Variants in ADCY10 observed in about 807,000 individuals in gnomAD.
ADCY10 encodes the protein adenylate cyclase type 10.
A neutral mutation model predicts 183.3 loss-of-function variants in ADCY10; 156 were observed. The ratio of observed to expected loss-of-function variants is 0.85; its 90% CI spans 0.75 to 0.97. The LOEUF is 0.97. ADCY10 is among the 50% of genes least tolerant of loss of function. The probability of loss-of-function intolerance (pLI) is 0.00; values close to 1 mark genes in which losing one functional copy is unlikely to be tolerated. For synonymous variants in ADCY10, 645 were observed against 670.0 expected, an observed-to-expected ratio of 0.96 and a Z score of 0.58; for missense variants, 1,745 against 1,934.3, an observed-to-expected ratio of 0.90 and a Z score of 1.84.
chr1:167,834,380 A>G, intron 23 of ADCY10: 1 of 461,930 alleles, frequency 2.2e-6, no homozygotes, highest in Admixed American at 3.4e-5. Context: ...AGTTTCCCTC[A>G]AGCCAGTTTC....
At chr1:167,851,646 C>G (rs12036864) in intron 18 of ADCY10, among the ~76,000 whole-genome samples, 1 of 151,780 alleles carries the variant, frequency 6.6e-6, no homozygotes, top group South Asian at 2.1e-4. Context: ...GGTGGTGAAA[C>G]CCCGTCTCTA....
At chr1:167,837,456 T>G in intron 21 of ADCY10, 138 bp from the exon 22 acceptor site, 1 of 733,066 alleles carries the variant, frequency 1.4e-6, no homozygotes, top group Non-Finnish European at 2.4e-6. Flanking sequence ...TAGTCCCCAT[T>G]GTATCTTAGG....
intron 24 of ADCY10, 138 bp from the exon 25 acceptor site, chr1:167,833,300 C>T: frequency 1.2e-6 from 1 of 804,496 alleles, no homozygotes; most frequent in Non-Finnish European, 2.1e-6. Flanking sequence ...TCTTCCTGTG[C>T]CTGGCATAAT....
At chr1:167,897,671 T>G (rs367903674) in intron 6 of ADCY10, among the ~76,000 whole-genome samples, 6 of 63,596 alleles carry the variant, frequency 9.4e-5, no homozygotes, top group South Asian at 1.3e-3. Flanking sequence ...ACCACTGAAG[T>G]GCTGTTGCAG....
Position 167,836,475 on chromosome 1 carries a change from G to T in ADCY10, c.3143C>A (p.Ser1048Tyr). The T allele has an allele frequency of 1.9e-6, 3 of 1,614,154 alleles. No homozygotes were observed. Among genetic ancestry groups the T allele is most frequent in the Non-Finnish European group, 2.5e-6 (3 of 1,179,990 alleles). ...TTCCAGAGGGATAATGTCTTCGTCA[G>T]ATGTCTTCATTTTTGTTAAAACGTG... ...FDHVLTKMKTSDEDIIPLESC... is the reference protein window; with the variant it reads ...FDHVLTKMKTYDEDIIPLESC... Residue 1048 changes from serine (S) to tyrosine (Y), a missense_variant, in exon 23 of 33, where the codon TCT becomes TAT. Coordinates refer to ENST00000367851, the MANE Select transcript of ADCY10 (RefSeq NM_018417.6).
At chr1:167,872,183 A>C (rs1397878256) in intron 13 of ADCY10, among the ~76,000 whole-genome samples, 3 of 152,098 alleles carry the variant, frequency 2.0e-5, no homozygotes, top group African/African-American at 7.2e-5. Flanking sequence ...TATTAAAAAT[A>C]CAAAATTAGC....
chr1:167,866,032 C>A (rs184068982), intron 14 of ADCY10, among the ~76,000 whole-genome samples: 1 of 152,202 alleles, frequency 6.6e-6, no homozygotes, highest in Non-Finnish European at 1.5e-5. Flanking sequence ...ACTTAGGATT[C>A]CTTGGAGACC....
intron 6 of ADCY10, 66 bp from the exon 7 acceptor site, chr1:167,896,757 T>G: frequency 1.8e-6 from 2 of 1,135,204 alleles, no homozygotes; most frequent in Non-Finnish European, 2.7e-6. Context: ...GAAGTGTAAT[T>G]TCTTAGCAGA....
intron 9 of ADCY10, among the ~76,000 whole-genome samples, chr1:167,882,773 G>A (rs1179472309): frequency 6.6e-6 from 1 of 152,126 alleles, no homozygotes; most frequent in East Asian, 1.9e-4. Flanking sequence ...GACTGCCTGG[G>A]TTTGAATCCC....
rs7526804 is a variant in ADCY10 at position 167,848,143 on chromosome 1, G to A, written c.2437+218C>T. Among the ~76,000 whole-genome samples the A allele has an allele frequency of 0.089, 13,490 of 151,398 alleles. 753 individuals are homozygous for A. The highest frequency in any genetic ancestry group is 0.13 in the Middle Eastern group (37 of 292). Reference sequence around the variant, plus strand: ...AGTGCAGTGGCTCACTGCAACCTCCGCCTCCCAGGTTCAAGCAATTCTCCT... The same window carrying A: ...AGTGCAGTGGCTCACTGCAACCTCCACCTCCCAGGTTCAAGCAATTCTCCT... On this transcript the variant is annotated intron_variant, in intron 19 of 32. Transcript: ENST00000367851.
At chr1:167,812,648 G>GA (rs1032377754) in intron 31 of ADCY10, among the ~76,000 whole-genome samples, 1 of 152,096 alleles carries the variant, frequency 6.6e-6, no homozygotes, top group African/African-American at 2.4e-5. Context: ...TCCCAAGGGG[G>GA]AAAAAATATC....
intron 30 of ADCY10, chr1:167,820,247 A>T (rs1662808424): frequency 6.6e-7 from 1 of 1,517,516 alleles, no homozygotes; most frequent in Admixed American, 2.0e-5. Flanking sequence ...GTCCTGGTCC[A>T]TCGTCGTCGC....
chr1:167,845,840 C>A lies in ADCY10; in HGVS notation c.2730G>T (p.Glu910Asp), dbSNP rs758246776. The change falls in exon 21 of 33, where the codon GAG (glutamate) becomes GAT (aspartate). Residue 910 changes from glutamate (E) to aspartate (D), a missense_variant. Transcript: ENST00000367851. The part of the protein sequence containing the change: ...KPSEGMDHGE[E>D]EQLRELENEV... ...CATTCTCCAGTTCACGAAGCTGTTC[C>A]TCTTCACCGTGATCTGGAGAGAGCA... The A allele has an allele frequency of 5.0e-6, 8 of 1,613,978 alleles. No individual in the cohort carries two copies. The highest frequency in any genetic ancestry group is 6.8e-6 in the Non-Finnish European group (8 of 1,180,040).
chr1:167,860,131 T>C (rs908281425), intron 15 of ADCY10, among the ~76,000 whole-genome samples: 53 of 152,234 alleles, frequency 3.5e-4, no homozygotes, highest in African/African-American at 1.3e-3. Context: ...TTGTGCACTT[T>C]GCTTCTATTA....
intron 14 of ADCY10, among the ~76,000 whole-genome samples, chr1:167,863,580 G>T (rs993111249): frequency 2.6e-5 from 4 of 152,110 alleles, no homozygotes; most frequent in African/African-American, 7.2e-5. Flanking sequence ...ACATTTCTTG[G>T]TTCCCTGACC....
At chr1:167,864,619 C>T (rs1313757017) in intron 14 of ADCY10, among the ~76,000 whole-genome samples, 7 of 150,638 alleles carry the variant, frequency 4.6e-5, no homozygotes, top group Non-Finnish European at 3.0e-5. Flanking sequence ...GACAGAAAGT[C>T]AAAGAGAGAA....
At chr1:167,883,407 G>A (rs1668003517) in intron 9 of ADCY10, 30 bp downstream of exon 9, 2 of 1,609,056 alleles carry the variant, frequency 1.2e-6, no homozygotes, top group Non-Finnish European at 1.7e-6. Flanking sequence ...AAAACTATTG[G>A]TAGGTTCCCA....
chr1:167,899,941 G>A (rs1308005585), intron 5 of ADCY10, among the ~76,000 whole-genome samples: 1 of 152,162 alleles, frequency 6.6e-6, no homozygotes, highest in Non-Finnish European at 1.5e-5. Flanking sequence ...GGGCAACAGG[G>A]AATACCTTTA....
At chr1:167,865,874 A>G (rs1332849349) in intron 14 of ADCY10, among the ~76,000 whole-genome samples, 1 of 152,190 alleles carries the variant, frequency 6.6e-6, no homozygotes, top group African/African-American at 2.4e-5. Flanking sequence ...CGTGGGCTGC[A>G]TGGTAGCTCT....
Sources: gnomAD v4.1 joint callset for allele counts (sites outside exome capture counted in the v4.1 genomes callset) on GRCh38, gnomAD v4.1.1 for gene constraint, MANE v1.5 for transcripts, NCBI Gene and HGNC (gene_info 2026-07-23, HGNC 2026-07-21) for gene names.